SPATA17: variants seen among roughly 807,000 people sequenced by gnomAD.
SPATA17 encodes the protein spermatogenesis-associated protein 17.
SPATA17 carries 53 observed loss-of-function variants against 62.2 expected under a neutral mutation model. The ratio of observed to expected loss-of-function variants is 0.85; its 90% CI spans 0.68 to 1.07. SPATA17 has a LOEUF of 1.07. SPATA17 is among the 50% of genes least tolerant of loss of function. The probability of loss-of-function intolerance (pLI) is 0.00; values close to 1 mark genes in which losing one functional copy is unlikely to be tolerated. For synonymous variants in SPATA17, 146 were observed against 146.8 expected (o/e 0.99, Z 0.04); for missense variants, 466 against 425.5 (o/e 1.10, Z -0.84).
At chr1:217,806,205 C>G (rs916025384) in intron 9 of SPATA17, among the ~76,000 whole-genome samples, 4 of 152,152 alleles carry the variant, frequency 2.6e-5, no homozygotes, top group Non-Finnish European at 5.9e-5. Context: ...CTTTTTGGTT[C>G]AATATTTTGC....
intron 3 of SPATA17, among the ~76,000 whole-genome samples, chr1:217,666,417 T>C (rs777785476): frequency 6.6e-6 from 1 of 152,112 alleles, no homozygotes; most frequent in African/African-American, 2.4e-5. Context: ...ATATAACAAA[T>C]AATCATCATT....
intron 3 of SPATA17, among the ~76,000 whole-genome samples, chr1:217,657,691 A>G (rs1038084066): frequency 6.6e-6 from 1 of 152,036 alleles, no homozygotes; most frequent in African/African-American, 2.4e-5. Flanking sequence ...TAGAACAGTC[A>G]TTTTAAAACT....
At chr1:217,645,221 T>TAC (rs1670152438) in intron 1 of SPATA17, among the ~76,000 whole-genome samples, 1 of 152,134 alleles carries the variant, frequency 6.6e-6, no homozygotes, top group African/African-American at 2.4e-5. Context: ...CTTGTATATA[T>TAC]ACACATAATA....
At chr1:217,741,901 TGATTTATCATCA>T in intron 5 of SPATA17, 62 bp from the exon 6 acceptor site, 3 of 1,578,628 alleles carry the variant, frequency 1.9e-6, no homozygotes, top group Middle Eastern at 3.4e-4. Flanking sequence ...TCAAAAAAAC[TGATTTATCATCA>T]GTGAAAGAAT....
At chr1:217,798,895 A>T (rs1418066997) in intron 8 of SPATA17, among the ~76,000 whole-genome samples, 1 of 144,976 alleles carries the variant, frequency 6.9e-6, no homozygotes, top group Admixed American at 7.0e-5. Flanking sequence ...TTTTTTTCTG[A>T]GACGGAGTCT....
intron 9 of SPATA17, among the ~76,000 whole-genome samples, chr1:217,830,787 T>A (rs187537723): frequency 6.6e-6 from 1 of 152,242 alleles, no homozygotes; most frequent in East Asian, 1.9e-4. Context: ...TACAAGTTAC[T>A]TTTTAGGTGA....
At chr1:217,687,329 A>G (rs1228429827) in intron 5 of SPATA17, among the ~76,000 whole-genome samples, 2 of 152,120 alleles carry the variant, frequency 1.3e-5, no homozygotes, top group East Asian at 3.9e-4. Context: ...TTGTAGTTTA[A>G]ACATAAAACA....
At chr1:217,723,841 TTAGA>T (rs367608620) in intron 5 of SPATA17, among the ~76,000 whole-genome samples, 1 of 151,960 alleles carries the variant, frequency 6.6e-6, no homozygotes, top group South Asian at 2.1e-4. Flanking sequence ...ATAACAGGAG[TTAGA>T]TAGATTTTCC....
chr1:217,712,391 G>A lies in SPATA17; in HGVS notation c.395+29030G>A, dbSNP rs113624649. ...TCCACCCACCTTGGCCTCCCAAAGC[G>A]CTGGGATTACAGGCGTGAGCCACCG... On this transcript the variant is annotated intron_variant, in intron 5 of 10. Transcript: ENST00000366933. Among the ~76,000 whole-genome samples the A allele has an allele frequency of 2.8e-4, 42 of 152,148 alleles. No homozygotes were observed. In the East Asian group the frequency reaches 6.8e-3, roughly 25 times the overall value.
intron 8 of SPATA17, among the ~76,000 whole-genome samples, chr1:217,789,250 G>C (rs1673941073): frequency 6.6e-6 from 1 of 152,164 alleles, no homozygotes; most frequent in Non-Finnish European, 1.5e-5. Flanking sequence ...TAAACATTTA[G>C]TAGCATAGCA....
intron 9 of SPATA17, among the ~76,000 whole-genome samples, chr1:217,807,170 C>A (rs931211534): frequency 3.4e-5 from 5 of 148,970 alleles, no homozygotes; most frequent in African/African-American, 9.8e-5. Context: ...TCAAATACTG[C>A]ATGTTCTGAC....
intron 1 of SPATA17, among the ~76,000 whole-genome samples, chr1:217,645,575 G>A (rs1267572164): frequency 2.0e-5 from 3 of 152,114 alleles, no homozygotes; most frequent in Non-Finnish European, 4.4e-5. Flanking sequence ...AATATTAATG[G>A]TAAAAGGTTT....
At chr1:217,655,174 G>T (rs1207335671) in intron 3 of SPATA17, among the ~76,000 whole-genome samples, 1 of 152,156 alleles carries the variant, frequency 6.6e-6, no homozygotes, top group Admixed American at 6.5e-5. Context: ...TGTAGTTAGT[G>T]TTTGTTGTGT....
rs116280848 is a variant in SPATA17, at chr1:217,796,652, C to T, written c.873-5066C>T. On this transcript the variant is annotated intron_variant, in intron 8 of 10. Coordinates refer to ENST00000366933, the MANE Select transcript of SPATA17 (RefSeq NM_138796.4). ...AGTATAAAATACTGTGTGTATTAAG[C>T]GCTTATAGCTATGGTTTGTCCTCAA... Among the ~76,000 whole-genome samples, 770 of 152,240 alleles carry T rather than the reference C, an allele frequency of 5.1e-3. 8 individuals carry two copies. The highest frequency in any genetic ancestry group is 0.018 in the African/African-American group (743 of 41,542).
At chr1:217,815,697 C>G (rs1346674019) in intron 9 of SPATA17, among the ~76,000 whole-genome samples, 1 of 152,072 alleles carries the variant, frequency 6.6e-6, no homozygotes, top group Admixed American at 6.6e-5. Context: ...GTGGGTGGGT[C>G]TCATTCAATA....
chr1:217,664,268 T>G (rs1670640842), intron 3 of SPATA17, among the ~76,000 whole-genome samples: 1 of 150,954 alleles, frequency 6.6e-6, no homozygotes, highest in Non-Finnish European at 1.5e-5. Flanking sequence ...AGTGTAAGAC[T>G]TTAACCTAGG....
intron 5 of SPATA17, among the ~76,000 whole-genome samples, chr1:217,690,583 C>T (rs1189946019): frequency 7.2e-6 from 1 of 138,842 alleles, no homozygotes; most frequent in Non-Finnish European, 1.6e-5. Flanking sequence ...TGGTGCGCTG[C>T]ACCCACTAAC....
intron 9 of SPATA17, among the ~76,000 whole-genome samples, chr1:217,854,992 C>T (rs979120528): frequency 6.6e-6 from 1 of 152,230 alleles, no homozygotes; most frequent in African/African-American, 2.4e-5. Context: ...TGTAACCTGG[C>T]TTTTAGCAGT....
Position 217,869,414 on chromosome 1 carries a change from A to T in SPATA17, c.*2395A>T, listed in dbSNP as rs902908023. On this transcript the variant is annotated 3_prime_UTR_variant, in exon 11 of 11. Transcript: ENST00000366933. Reference sequence around the variant, plus strand: ...AGAGCATAGATTGTAAATGTTTCTTATCTGACTTAAAAAGGTGTCAGACTC... The same window carrying T: ...AGAGCATAGATTGTAAATGTTTCTTTTCTGACTTAAAAAGGTGTCAGACTC... 6.6e-6 allele frequency: 1 copy of T among 152,212 alleles called. No individual in the cohort carries two copies. The highest frequency in any genetic ancestry group is 1.5e-5 in the Non-Finnish European group (1 of 68,052). 9.4% of individuals were successfully genotyped at this position (152,212 alleles called of 1,614,324 possible). A position where few individuals can be genotyped will look rare whatever the true frequency, so the allele number is the denominator to read the frequency against.
Sources: allele counts gnomAD v4.1 joint callset (sites outside exome capture counted in the v4.1 genomes callset), GRCh38; gene constraint gnomAD v4.1.1; transcripts MANE v1.5; gene names NCBI Gene and HGNC (gene_info 2026-07-23, HGNC 2026-07-21).